The following TBC1D5 variants were observed in gnomAD, a reference collection of about 807,000 sequenced individuals.
The protein encoded by TBC1D5 is TBC1 domain family member 5.
Under a neutral mutation model 100.3 loss-of-function variants are expected in TBC1D5, and 75 were observed. That is an observed-to-expected ratio of 0.75 (90% CI 0.62 to 0.91). The LOEUF (loss-of-function observed/expected upper bound fraction) is 0.91, where lower values mean the gene tolerates loss of function less well. TBC1D5 is among the 40% of genes least tolerant of loss of function. TBC1D5 has a pLI of 0.00. For synonymous variants in TBC1D5, 323 were observed against 325.6 expected, an observed-to-expected ratio of 0.99 and a Z score of 0.09; for missense variants, 910 against 942.4, an observed-to-expected ratio of 0.97 and a Z score of 0.45.
intron 13 of TBC1D5, among the ~76,000 whole-genome samples, chr3:17,346,005 C>G (rs1003208777): frequency 6.6e-6 from 1 of 151,998 alleles, no homozygotes; most frequent in African/African-American, 2.4e-5. Context: ...ACCAGCATGG[C>G]ACATGTATAC....
chr3:17,689,711 A>C, intron 1 of TBC1D5, among the ~76,000 whole-genome samples: 1 of 152,316 alleles, frequency 6.6e-6, no homozygotes, highest in African/African-American at 2.4e-5. Context: ...CAGGAATACA[A>C]TAGTAGTTGT....
intron 21 of TBC1D5, among the ~76,000 whole-genome samples, chr3:17,165,576 A>C (rs1420709941): frequency 6.6e-6 from 1 of 152,226 alleles, no homozygotes; most frequent in Non-Finnish European, 1.5e-5. Context: ...GAAGTTAACC[A>C]TGGAGTCTCT....
intron 13 of TBC1D5, among the ~76,000 whole-genome samples, chr3:17,369,217 G>C (rs2092336457): frequency 6.6e-6 from 1 of 151,928 alleles, no homozygotes; most frequent in African/African-American, 2.4e-5. Context: ...AAGCACATAG[G>C]CTCTAGTGAA....
chr3:17,279,628 T>G (rs1199271839), intron 15 of TBC1D5, among the ~76,000 whole-genome samples: 1 of 152,256 alleles, frequency 6.6e-6, no homozygotes, highest in Non-Finnish European at 1.5e-5. Flanking sequence ...ACTTACTGGT[T>G]TAGAGTCTAG....
chr3:17,159,691 A>G (rs2065877096), exon 22 of TBC1D5: 1 of 152,372 alleles, frequency 6.6e-6, no homozygotes, highest in Non-Finnish European at 1.5e-5. Flanking sequence ...GACAAGGGGG[A>G]GAGTCTCTAA....
At chr3:17,614,004 T>A (rs1166279667) in intron 2 of TBC1D5, among the ~76,000 whole-genome samples, 2 of 152,090 alleles carry the variant, frequency 1.3e-5, no homozygotes, top group Admixed American at 1.3e-4. Context: ...TTTTCTAGAG[T>A]TTTTATGGTT....
At chr3:17,667,370 G>A (rs1343632448) in intron 1 of TBC1D5, among the ~76,000 whole-genome samples, 1 of 152,064 alleles carries the variant, frequency 6.6e-6, no homozygotes, top group Non-Finnish European at 1.5e-5. Context: ...AATTTATTAA[G>A]CCCTTTATTT....
At chr3:17,451,321 C>T (rs1295481562) in intron 3 of TBC1D5, among the ~76,000 whole-genome samples, 1 of 152,158 alleles carries the variant, frequency 6.6e-6, no homozygotes, top group Non-Finnish European at 1.5e-5. Context: ...ACTGCATCAA[C>T]TAATGGGCAA....
Position 17,456,563 on chromosome 3 carries a change from G to A in TBC1D5, c.98-28044C>T, listed in dbSNP as rs190941080. On this transcript the variant is annotated intron_variant, in intron 3 of 21. Coordinates refer to ENST00000253692, the Ensembl canonical transcript of TBC1D5. Reference sequence around the variant, plus strand: ...CATATGAAAAGGTGTTCAACATACCGATCATCAGAGAAATGCAAATCAAAA... The same window carrying A: ...CATATGAAAAGGTGTTCAACATACCAATCATCAGAGAAATGCAAATCAAAA... 9.7e-4 allele frequency among the ~76,000 whole-genome samples: 148 copies of A among 152,230 alleles called. 2 individuals carry two copies. The highest frequency in any genetic ancestry group is 6.9e-4 in the Non-Finnish European group (47 of 67,990).
chr3:17,423,721 AGAT>A (rs1362340512), intron 4 of TBC1D5, among the ~76,000 whole-genome samples: 1 of 152,212 alleles, frequency 6.6e-6, no homozygotes, highest in Non-Finnish European at 1.5e-5. Flanking sequence ...TGAGTAAACT[AGAT>A]GATTTACTAC....
At chr3:17,335,738 A>AG (rs1031266110) in intron 13 of TBC1D5, among the ~76,000 whole-genome samples, 24 of 152,180 alleles carry the variant, frequency 1.6e-4, no homozygotes, top group African/African-American at 4.3e-4. Flanking sequence ...CAAATTACTC[A>AG]GGGGGGGTTT....
intron 13 of TBC1D5, among the ~76,000 whole-genome samples, chr3:17,351,848 T>C (rs1293608593): frequency 2.0e-5 from 3 of 150,848 alleles, no homozygotes; most frequent in African/African-American, 7.3e-5. Flanking sequence ...CACTACCTCC[T>C]ACCTACAAAA....
At chr3:17,424,438 T>C (rs1399529041) in intron 4 of TBC1D5, among the ~76,000 whole-genome samples, 1 of 152,210 alleles carries the variant, frequency 6.6e-6, no homozygotes. Flanking sequence ...CACCCATTCA[T>C]GTTCTTCTCT....
At chr3:17,564,546 A>G (rs989264231) in intron 2 of TBC1D5, among the ~76,000 whole-genome samples, 4 of 152,196 alleles carry the variant, frequency 2.6e-5, no homozygotes, top group African/African-American at 9.6e-5. Context: ...ATATTTTATG[A>G]AAGAAATAAA....
intron 2 of TBC1D5, among the ~76,000 whole-genome samples, chr3:17,557,523 C>T (rs2096530012): frequency 6.6e-6 from 1 of 152,078 alleles, no homozygotes; most frequent in South Asian, 2.1e-4. Flanking sequence ...TACCTTCTGG[C>T]ATTCTTTGTT....
At chr3:17,565,582 GACA>G (rs1055271147) in intron 2 of TBC1D5, among the ~76,000 whole-genome samples, 1 of 151,958 alleles carries the variant, frequency 6.6e-6, no homozygotes, top group African/African-American at 2.4e-5. Context: ...TGTTTCTGTT[GACA>G]ACAACAAATA....
At chr3:17,254,829 A>G (rs1394987940) in intron 16 of TBC1D5, among the ~76,000 whole-genome samples, 1 of 150,084 alleles carries the variant, frequency 6.7e-6, no homozygotes, top group African/African-American at 2.5e-5. Flanking sequence ...AAGCTGTTAC[A>G]CTCATTCCAG....
intron 2 of TBC1D5, among the ~76,000 whole-genome samples, chr3:17,580,000 GA>G (rs1263567544): frequency 6.6e-6 from 1 of 152,046 alleles, no homozygotes; most frequent in African/African-American, 2.4e-5. Context: ...GAATCATAAA[GA>G]ACAATAGACA....
At chr3:17,494,205 T>G (rs1016992710) in intron 3 of TBC1D5, among the ~76,000 whole-genome samples, 1 of 152,134 alleles carries the variant, frequency 6.6e-6, no homozygotes, top group African/African-American at 2.4e-5. Context: ...GAGACCCTAT[T>G]CGCCTGGGTC....
Sources: gnomAD v4.1 joint callset for allele counts (sites outside exome capture counted in the v4.1 genomes callset) on GRCh38, gnomAD v4.1.1 for gene constraint, MANE v1.5 for transcripts, NCBI Gene and HGNC (gene_info 2026-07-23, HGNC 2026-07-21) for gene names.